The following TENM4 variants were observed in gnomAD, a reference collection of about 807,000 sequenced individuals.
TENM4 encodes the protein teneurin transmembrane protein 4, also known as teneurin-4.
Under a neutral mutation model 243.3 loss-of-function variants are expected in TENM4, and 82 were observed. The observed-to-expected ratio is 0.34, with a 90% CI of 0.28 to 0.40. The LOEUF is 0.40. Among genes scored for constraint, TENM4 ranks in the 10% least tolerant of loss-of-function variants. The pLI is 1.00. For synonymous variants in TENM4, 1,412 were observed against 1,456.3 expected (o/e 0.97, Z 0.69); for missense variants, 3,138 against 3,673.3 (o/e 0.85, Z 3.77).
At chr11:78,824,672 T>G (rs976996354) in intron 12 of TENM4, among the ~76,000 whole-genome samples, 1 of 111,882 alleles carries the variant, frequency 8.9e-6, no homozygotes, top group Admixed American at 9.9e-5. Context: ...CGACTAATTT[T>G]TTGTATTTTT....
intron 1 of TENM4, among the ~76,000 whole-genome samples, chr11:79,431,416 C>T (rs1475891660): frequency 6.6e-6 from 1 of 152,088 alleles, no homozygotes. Context: ...CATTTTTATT[C>T]TTAAATTTTC....
chr11:79,250,526 C>A (rs1855592013), intron 2 of TENM4, among the ~76,000 whole-genome samples: 1 of 152,190 alleles, frequency 6.6e-6, no homozygotes, highest in Non-Finnish European at 1.5e-5. Flanking sequence ...GAAGGCCAAC[C>A]CCACTGTTCT....
chr11:78,885,928 C>CAA (rs1565423379), intron 9 of TENM4, among the ~76,000 whole-genome samples: 206 of 152,028 alleles, frequency 1.4e-3, no homozygotes, highest in African/African-American at 3.8e-3. Flanking sequence ...CCCATCTCTA[C>CAA]ACAAACAAAC....
At chr11:79,135,109 A>G (rs1227867627) in intron 4 of TENM4, among the ~76,000 whole-genome samples, 4 of 152,182 alleles carry the variant, frequency 2.6e-5, no homozygotes, top group Non-Finnish European at 5.9e-5. Context: ...ACAAAGGACT[A>G]ATATCCAGAA....
At chr11:79,358,142 A>T (rs559873428) in intron 1 of TENM4, among the ~76,000 whole-genome samples, 2 of 152,290 alleles carry the variant, frequency 1.3e-5, no homozygotes, top group African/African-American at 4.8e-5. Context: ...GGCTATCATC[A>T]CAGCAGTCCT....
At chr11:79,138,093 T>C (rs1402523994) in intron 4 of TENM4, among the ~76,000 whole-genome samples, 1 of 151,560 alleles carries the variant, frequency 6.6e-6, no homozygotes, top group Non-Finnish European at 1.5e-5. Context: ...GTTGCCAGCA[T>C]GGCTAGAATA....
chr11:78,906,851 C>A (rs1021493723), intron 6 of TENM4, among the ~76,000 whole-genome samples: 25 of 152,126 alleles, frequency 1.6e-4, no homozygotes, highest in African/African-American at 6.0e-4. Flanking sequence ...AACACAGAGC[C>A]TAGAACTGAG....
chr11:79,131,075 G>T (rs979298924), intron 4 of TENM4, among the ~76,000 whole-genome samples: 1 of 152,082 alleles, frequency 6.6e-6, no homozygotes, highest in Non-Finnish European at 1.5e-5. Context: ...TCCTGAGAAA[G>T]AAAAGAAAAC....
chr11:78,668,951 T>C lies in TENM4; in HGVS notation c.7394A>G (p.Lys2465Arg), dbSNP rs761090860. 26 of 1,612,932 alleles carry C rather than the reference T, an allele frequency of 1.6e-5. No individual in the cohort carries two copies. Among genetic ancestry groups the C allele is most frequent in the Admixed American group, 3.3e-5 (2 of 59,988 alleles). Residue 2465 changes from lysine to arginine, a missense_variant, in exon 32 of 34, where the codon AAG becomes AGG. This residue lies in a region of TENM4 where 2,467 missense variants were observed against 3,059.1 expected (regional missense o/e 0.81). Transcript: ENST00000278550. ...NNPISNSQDI[K>R]CFMTDVNSWL... ...GTGGTCCTTACCTGTCATGAAGCAC[T>C]TGATGTCCTGGGAGTTGCTGATGGG...
chr11:79,270,097 C>T (rs2135343352), intron 2 of TENM4, among the ~76,000 whole-genome samples: 1 of 152,124 alleles, frequency 6.6e-6, no homozygotes, highest in East Asian at 1.9e-4. Flanking sequence ...GTTCCCATCC[C>T]CCTAGCACCA....
At chr11:79,439,862 CG>C (rs1178407004) in intron 1 of TENM4, among the ~76,000 whole-genome samples, 10 of 152,274 alleles carry the variant, frequency 6.6e-5, no homozygotes, top group African/African-American at 2.4e-4. Context: ...GCCCTCCAAG[CG>C]TCCATCTGGC....
At position 78,814,350 on chromosome 11, in the gene TENM4, CAG is replaced by C; in HGVS notation, c.1725_1726del (p.Asp575GlufsTer27). On this transcript the variant is annotated frameshift_variant, in exon 13 of 34. Coordinates refer to ENST00000278550, the MANE Select transcript of TENM4 (RefSeq NM_001098816.3). LOFTEE classifies it high-confidence loss of function. ...GAAGCAGTGGCAGGTCCCAGAGATG[CAG>C]TCACCATTGCCATAGCAGTTGCTGG... 1 of 1,550,554 alleles carries C rather than the reference CAG, an allele frequency of 6.4e-7. No homozygotes were observed. The highest frequency in any genetic ancestry group is 8.7e-7 in the Non-Finnish European group (1 of 1,146,498).
rs751471601 is a variant in TENM4 at position 78,726,158 on chromosome 11, C to A, written c.3471G>T (p.Val1157=). 1.4e-5 allele frequency: 23 copies of A among 1,613,880 alleles called. No homozygotes were observed. In the South Asian group the frequency reaches 2.5e-4, roughly 18 times the overall value. Residue 1157 remains valine (V), a synonymous_variant, in exon 23 of 34, where the codon GTG becomes GTT. Coordinates refer to ENST00000278550, the MANE Select transcript of TENM4 (RefSeq NM_001098816.3). ...ACGCGTCAATTTCATAGCCCTGCAG[C>A]ACTGTTGTTCTTTTTTCCCACAGGA... ...DLILWEKRTT[V]LQGYEIDASK... is the part of the protein sequence containing the mutation.
At chr11:79,236,392 A>G (rs1395969272) in intron 2 of TENM4, among the ~76,000 whole-genome samples, 2 of 152,136 alleles carry the variant, frequency 1.3e-5, no homozygotes, top group Non-Finnish European at 2.9e-5. Flanking sequence ...ACTCTGCTCT[A>G]TTACGCTGAT....
chr11:79,030,111 G>A (rs896932274), intron 6 of TENM4, among the ~76,000 whole-genome samples: 1 of 152,184 alleles, frequency 6.6e-6, no homozygotes, highest in Admixed American at 6.5e-5. Flanking sequence ...AATCAGGCAT[G>A]TAATCAGAGG....
At chr11:78,703,856 A>G (rs1324369825) in intron 27 of TENM4, among the ~76,000 whole-genome samples, 1 of 151,598 alleles carries the variant, frequency 6.6e-6, no homozygotes, top group Admixed American at 6.6e-5. Context: ...TTACTTATGT[A>G]TGTATGTATG....
Position 79,399,963 on chromosome 11 carries a change from C to T in TENM4, c.-321+40546G>A, listed in dbSNP as rs532786445. On this transcript the variant is annotated intron_variant, in intron 1 of 33. Transcript: ENST00000278550. ...TATTATTATCTCTTTAGCCCAAACTCCCACCCAAGGCAGAAATCCTTCTTT... is the reference window on the plus strand; with the variant it reads ...TATTATTATCTCTTTAGCCCAAACTTCCACCCAAGGCAGAAATCCTTCTTT... Among the ~76,000 whole-genome samples the T allele has an allele frequency of 6.8e-4, 104 of 152,238 alleles. No homozygotes were observed. In the Middle Eastern group the frequency reaches 0.014, roughly 20 times the overall value.
intron 9 of TENM4, among the ~76,000 whole-genome samples, chr11:78,880,337 G>C (rs1033027642): frequency 6.6e-6 from 1 of 152,044 alleles, no homozygotes; most frequent in Non-Finnish European, 1.5e-5. Context: ...AGGGACCTCT[G>C]CCTAGGAAAA....
At chr11:79,220,627 G>A (rs909372700) in intron 2 of TENM4, among the ~76,000 whole-genome samples, 2 of 152,150 alleles carry the variant, frequency 1.3e-5, no homozygotes, top group Non-Finnish European at 2.9e-5. Context: ...CCAATTGAAG[G>A]AATGAATCTT....
Sources: gnomAD v4.1 joint callset for allele counts (sites outside exome capture counted in the v4.1 genomes callset) on GRCh38, gnomAD v4.1.1 for gene constraint, gnomAD v4.1.1 regional missense constraint, MANE v1.5 for transcripts, NCBI Gene and HGNC (gene_info 2026-07-23, HGNC 2026-07-21) for gene names.